Variants in RAPGEF6 observed in about 807,000 individuals in gnomAD.
RAPGEF6 encodes PDZ domain containing guanine nucleotide exchange factor (GEF) 2.
In RAPGEF6, 56 loss-of-function variants were observed where a neutral mutation model predicts 171.4. The observed-to-expected ratio is 0.33, with a 90% CI of 0.26 to 0.41. The LOEUF (loss-of-function observed/expected upper bound fraction) is 0.41. Ranked by LOEUF, RAPGEF6 falls within the 10% of genes least tolerant of loss-of-function variation. RAPGEF6 has a pLI of 1.00. For synonymous variants in RAPGEF6, 692 were observed against 650.1 expected, an observed-to-expected ratio of 1.06 and a Z score of -0.98; for missense variants, 1,674 against 1,921.4, an observed-to-expected ratio of 0.87 and a Z score of 2.41.
intron 3 of RAPGEF6, among the ~76,000 whole-genome samples, chr5:131,596,181 T>C (rs1439742533): frequency 2.1e-5 from 3 of 144,006 alleles, no homozygotes; most frequent in African/African-American, 7.6e-5. Flanking sequence ...AGTTAAAGGA[T>C]AGAAAAAGAC....
intron 16 of RAPGEF6, 155 bp from the exon 17 acceptor site, chr5:131,472,899 T>C (rs924047013): frequency 7.5e-5 from 47 of 627,134 alleles, no homozygotes; most frequent in Non-Finnish European, 1.2e-4. Flanking sequence ...ACAATTGTAA[T>C]GATGAAAATG....
At chr5:131,575,776 A>G (rs1224380548) in intron 4 of RAPGEF6, among the ~76,000 whole-genome samples, 1 of 152,176 alleles carries the variant, frequency 6.6e-6, no homozygotes, top group Admixed American at 6.5e-5. Flanking sequence ...CTGAAAAACA[A>G]GGCTGTGCGG....
chr5:131,470,492 T>A (rs536060216), intron 17 of RAPGEF6, among the ~76,000 whole-genome samples: 1 of 152,296 alleles, frequency 6.6e-6, no homozygotes, highest in South Asian at 2.1e-4. Context: ...CCTTATTCCC[T>A]CAGCCCCACA....
intron 24 of RAPGEF6, among the ~76,000 whole-genome samples, chr5:131,438,260 C>T (rs1752149684): frequency 6.6e-6 from 1 of 152,140 alleles, no homozygotes; most frequent in Non-Finnish European, 1.5e-5. Flanking sequence ...TGGTCTTTTT[C>T]CCATCTTACA....
intron 1 of RAPGEF6, among the ~76,000 whole-genome samples, chr5:131,630,338 C>T (rs1193342044): frequency 6.6e-6 from 1 of 152,168 alleles, no homozygotes; most frequent in East Asian, 1.9e-4. Context: ...GGCTATCACA[C>T]ACAATAAACT....
At chr5:131,436,831 C>T (rs1405101758) in intron 24 of RAPGEF6, among the ~76,000 whole-genome samples, 1 of 152,142 alleles carries the variant, frequency 6.6e-6, no homozygotes, top group African/African-American at 2.4e-5. Flanking sequence ...ATATTTATAA[C>T]GTTCATTTTC....
At chr5:131,620,782 G>A (rs1765551548) in intron 1 of RAPGEF6, among the ~76,000 whole-genome samples, 1 of 152,112 alleles carries the variant, frequency 6.6e-6, no homozygotes, top group Non-Finnish European at 1.5e-5. Context: ...AGTAGAGACA[G>A]CATTTTGCCA....
At chr5:131,440,065 C>T in intron 23 of RAPGEF6, 1 of 373,474 alleles carries the variant, frequency 2.7e-6, no homozygotes, top group Non-Finnish European at 5.2e-6. Flanking sequence ...CAAACTCTTC[C>T]CTCCCCTCTA....
chr5:131,521,436 C>A lies in RAPGEF6; in HGVS notation c.581G>T (p.Ser194Ile). ...THVSSSQSGC[S>I]IASDSGSSSL... is the part of the protein sequence containing the mutation. ...GCTGCTTCCAGAGTCACTGGCAATG[C>A]TACAACCAGACTGACTAGAAGACAC... The change falls in exon 7 of 28, where the codon AGC (serine) becomes ATC (isoleucine). Residue 194 changes from serine (S) to isoleucine (I), a missense_variant. Physicochemically the swap from Ser to Ile is moderately radical, Grantham distance 142 (BLOSUM62 -2). Coordinates refer to ENST00000509018, the MANE Select transcript of RAPGEF6 (RefSeq NM_016340.6). 6.2e-7 allele frequency: 1 copy of A among 1,612,260 alleles called. No homozygotes were observed. The highest frequency in any genetic ancestry group is 8.5e-7 in the Non-Finnish European group (1 of 1,178,912).
chr5:131,593,678 T>A (rs748723053), intron 3 of RAPGEF6, among the ~76,000 whole-genome samples: 1 of 152,242 alleles, frequency 6.6e-6, no homozygotes, highest in Non-Finnish European at 1.5e-5. Flanking sequence ...TAAAGGTCAC[T>A]CTTGCTATGC....
At chr5:131,463,342 G>C (rs1754070975) in intron 18 of RAPGEF6, among the ~76,000 whole-genome samples, 3 of 152,132 alleles carry the variant, frequency 2.0e-5, no homozygotes, top group Admixed American at 2.0e-4. Context: ...ACTTTGGGAG[G>C]CTGAGGCAGG....
chr5:131,467,340 G>A lies in RAPGEF6; in HGVS notation c.2240-3059C>T, dbSNP rs74889907. Among the ~76,000 whole-genome samples, 1,454 of 152,190 alleles carry A rather than the reference G, an allele frequency of 9.6e-3. 27 individuals are homozygous for A. The highest frequency in any genetic ancestry group is 0.033 in the African/African-American group (1,384 of 41,512). On this transcript the variant is annotated intron_variant, in intron 17 of 27. Transcript: ENST00000509018. ...TGCCTTTAGAACAGATTCATAAATG[G>A]GATTATCTAAAGGGTATCCCTTAAT...
At chr5:131,483,051 T>A (rs1010695319) in intron 15 of RAPGEF6, among the ~76,000 whole-genome samples, 1 of 152,166 alleles carries the variant, frequency 6.6e-6, no homozygotes, top group African/African-American at 2.4e-5. Context: ...AATTATTTTT[T>A]AAAATTGTTA....
chr5:131,433,211 C>A (rs1227150879), intron 25 of RAPGEF6, among the ~76,000 whole-genome samples: 1 of 152,144 alleles, frequency 6.6e-6, no homozygotes. Context: ...TAAAAAGTTA[C>A]TTGAATTTAG....
At chr5:131,556,069 T>C (rs1325647556) in intron 5 of RAPGEF6, among the ~76,000 whole-genome samples, 1 of 152,168 alleles carries the variant, frequency 6.6e-6, no homozygotes, top group East Asian at 1.9e-4. Flanking sequence ...AATACAGTAT[T>C]ATAATTTTAT....
In RAPGEF6 at chr5:131,621,486, T is replaced by A. The variant is rs1765589602; in HGVS notation, c.69+13476A>T. On this transcript the variant is annotated intron_variant, in intron 1 of 27. Coordinates refer to ENST00000509018, the MANE Select transcript of RAPGEF6 (RefSeq NM_016340.6). The stretch of plus-strand genomic sequence containing the variant: ...TTGTAGAGATAGGGTTTCACCATGT[T>A]GCCCAGGCTGGTCTCAAACTCCTGG... Among the ~76,000 whole-genome samples, 4 of 152,158 alleles carry A rather than the reference T, an allele frequency of 2.6e-5. No individual in the cohort carries two copies. In the South Asian group the frequency reaches 8.3e-4, roughly 32 times the overall value.
At chr5:131,555,506 C>T (rs1400952867) in intron 5 of RAPGEF6, among the ~76,000 whole-genome samples, 1 of 151,762 alleles carries the variant, frequency 6.6e-6, no homozygotes, top group Non-Finnish European at 1.5e-5. Flanking sequence ...AACTCTTATG[C>T]TAAAATAAAA....
chr5:131,567,507 T>A (rs985235427), intron 4 of RAPGEF6, among the ~76,000 whole-genome samples: 1 of 152,226 alleles, frequency 6.6e-6, no homozygotes, highest in Non-Finnish European at 1.5e-5. Flanking sequence ...CTTGAAGTCT[T>A]CCTTGGTCTA....
chr5:131,517,822 C>A (rs888858538), intron 7 of RAPGEF6, among the ~76,000 whole-genome samples: 4 of 131,310 alleles, frequency 3.0e-5, no homozygotes, highest in Admixed American at 7.7e-5. Flanking sequence ...CACACACACA[C>A]AAAATTTAGT....
Sources: gnomAD v4.1 joint callset for allele counts (sites outside exome capture counted in the v4.1 genomes callset) on GRCh38, gnomAD v4.1.1 for gene constraint, MANE v1.5 for transcripts, NCBI Gene and HGNC (gene_info 2026-07-23, HGNC 2026-07-21) for gene names.